Variants in ABTB2 observed in about 807,000 individuals in gnomAD.
ABTB2 encodes ankyrin repeat and BTB/POZ domain-containing protein 2.
A neutral mutation model predicts 104.1 loss-of-function variants in ABTB2; 56 were observed. That is an observed-to-expected ratio of 0.54 (90% CI 0.43 to 0.67). The LOEUF is 0.67. ABTB2 is among the 30% of genes least tolerant of loss of function. The pLI, the probability that ABTB2 is intolerant of heterozygous loss-of-function variation, is 0.00. For missense variants in ABTB2, 1,279 were observed against 1,407.7 expected, an observed-to-expected ratio of 0.91 and a Z score of 1.46; for synonymous variants, 606 against 608.2, an observed-to-expected ratio of 1.00 and a Z score of 0.05.
chr11:34,172,395 A>AAAAAAT (rs1554980662), intron 4 of ABTB2, among the ~76,000 whole-genome samples: 4 of 29,048 alleles, frequency 1.4e-4, no homozygotes, highest in African/African-American at 3.9e-4. Flanking sequence ...AAAAAAAAAA[A>AAAAAAT]ATATATATAT....
At chr11:34,335,382 G>A in intron 1 of ABTB2, 2 of 845,332 alleles carry the variant, frequency 2.4e-6, no homozygotes. Context: ...AATTTCCTTA[G>A]CAACATTGAT....
chr11:34,244,206 TAAA>T (rs573597426), intron 1 of ABTB2, among the ~76,000 whole-genome samples: 6 of 145,336 alleles, frequency 4.1e-5, no homozygotes, highest in Admixed American at 1.4e-4. Flanking sequence ...ATTGTTTCTT[TAAA>T]AAAAAAAAAA....
intron 1 of ABTB2, among the ~76,000 whole-genome samples, chr11:34,266,945 T>A (rs993061160): frequency 7.9e-6 from 1 of 126,492 alleles, no homozygotes; most frequent in Non-Finnish European, 1.6e-5. Context: ...AAAATAAACA[T>A]AAAGCTCCTT....
chr11:34,248,116 A>C (rs1304541321), intron 1 of ABTB2, among the ~76,000 whole-genome samples: 4 of 87,180 alleles, frequency 4.6e-5, no homozygotes, highest in Admixed American at 2.0e-4. Context: ...AAAAAAAAAA[A>C]AAAAAACAGG....
Position 34,357,661 on chromosome 11 carries a change from C to G in ABTB2, c.-78G>C. On this transcript the variant is annotated 5_prime_UTR_variant, in exon 1 of 17. Coordinates refer to ENST00000435224, the MANE Select transcript of ABTB2 (RefSeq NM_145804.3). ...GCCCTCTTTCCCAAGTGGGCAGAAA[C>G]AAGCTCTAGGCCCTCCGGGCCACCC... The G allele has an allele frequency of 7.1e-7, 1 of 1,404,730 alleles. No homozygotes were observed. The highest frequency in any genetic ancestry group is 9.3e-7 in the Non-Finnish European group (1 of 1,071,004). 87.0% of individuals were successfully genotyped at this position (1,404,730 alleles called of 1,614,324 possible).
At chr11:34,212,447 A>C (rs1480118686) in intron 1 of ABTB2, among the ~76,000 whole-genome samples, 2 of 152,218 alleles carry the variant, frequency 1.3e-5, no homozygotes, top group Admixed American at 6.5e-5. Context: ...TGGATGAACG[A>C]GCATTTGAAA....
intron 3 of ABTB2, among the ~76,000 whole-genome samples, chr11:34,196,214 A>G (rs1229860892): frequency 6.6e-6 from 1 of 152,208 alleles, no homozygotes; most frequent in Non-Finnish European, 1.5e-5. Context: ...TATATTTTCC[A>G]GGTAGAAAAT....
At chr11:34,241,262 T>C (rs1436715221) in intron 1 of ABTB2, among the ~76,000 whole-genome samples, 1 of 152,128 alleles carries the variant, frequency 6.6e-6, no homozygotes, top group East Asian at 1.9e-4. Context: ...TGAGTTAATA[T>C]CACTGCTCCC....
At chr11:34,293,534 A>C (rs932374455) in intron 1 of ABTB2, among the ~76,000 whole-genome samples, 3 of 152,152 alleles carry the variant, frequency 2.0e-5, no homozygotes, top group African/African-American at 7.2e-5. Flanking sequence ...GCCATTGAGG[A>C]AAGATGAGAA....
chr11:34,238,762 T>C (rs1302139263), intron 1 of ABTB2, among the ~76,000 whole-genome samples: 3 of 152,186 alleles, frequency 2.0e-5, no homozygotes, highest in Non-Finnish European at 2.9e-5. Context: ...TCATTCTTTT[T>C]TTTTCTTTTG....
At chr11:34,203,563 G>A (rs1473136270) in intron 2 of ABTB2, among the ~76,000 whole-genome samples, 4 of 152,184 alleles carry the variant, frequency 2.6e-5, no homozygotes, top group Non-Finnish European at 5.9e-5. Context: ...CAACATCCTG[G>A]CCCTGCCTAC....
intron 1 of ABTB2, among the ~76,000 whole-genome samples, chr11:34,273,691 G>T (rs1854347118): frequency 6.6e-6 from 1 of 152,164 alleles, no homozygotes; most frequent in Non-Finnish European, 1.5e-5. Context: ...CTGGCTTCAA[G>T]GTCAAAGTTC....
intron 1 of ABTB2, among the ~76,000 whole-genome samples, chr11:34,261,136 C>A (rs184505905): frequency 9.2e-5 from 14 of 152,100 alleles, no homozygotes; most frequent in East Asian, 7.7e-4. Flanking sequence ...GCCTGCCCCC[C>A]CCAAAAAAAG....
intron 14 of ABTB2, among the ~76,000 whole-genome samples, chr11:34,159,033 T>C (rs1228655383): frequency 1.3e-5 from 2 of 152,148 alleles, no homozygotes; most frequent in African/African-American, 4.8e-5. Flanking sequence ...GTATCTGTCC[T>C]TGCACGTCTG....
intron 1 of ABTB2, among the ~76,000 whole-genome samples, chr11:34,206,986 GT>G (rs918844261): frequency 2.0e-5 from 3 of 152,238 alleles, no homozygotes; most frequent in African/African-American, 7.2e-5. Flanking sequence ...AGGAGGAAGA[GT>G]TCATGATTGG....
At chr11:34,285,428 A>G (rs1448180452) in intron 1 of ABTB2, among the ~76,000 whole-genome samples, 1 of 152,130 alleles carries the variant, frequency 6.6e-6, no homozygotes, top group Non-Finnish European at 1.5e-5. Flanking sequence ...GCCAACGGAA[A>G]ACAGGGTGGC....
At chr11:34,161,982 A>G (rs914734428) in intron 10 of ABTB2, among the ~76,000 whole-genome samples, 3 of 152,116 alleles carry the variant, frequency 2.0e-5, no homozygotes, top group Non-Finnish European at 4.4e-5. Context: ...TCATCCACCA[A>G]GTGCTCACGG....
At chr11:34,172,370 TCAAA>T (rs1470528392) in intron 4 of ABTB2, among the ~76,000 whole-genome samples, 563 of 34,958 alleles carry the variant, frequency 0.016, 7 homozygotes, top group African/African-American at 0.062. Flanking sequence ...AAACTCTGTC[TCAAA>T]AAAAAAAAAA....
At chr11:34,199,359 T>A (rs1853307805) in intron 2 of ABTB2, among the ~76,000 whole-genome samples, 1 of 152,102 alleles carries the variant, frequency 6.6e-6, no homozygotes, top group South Asian at 2.1e-4. Context: ...ACCGTTGGAG[T>A]TCAGCTGCCT....
Sources: gnomAD v4.1 joint callset for allele counts (sites outside exome capture counted in the v4.1 genomes callset) on GRCh38, gnomAD v4.1.1 for gene constraint, MANE v1.5 for transcripts, NCBI Gene and HGNC (gene_info 2026-07-23, HGNC 2026-07-21) for gene names.